POMC: variants seen among roughly 807,000 people sequenced by gnomAD.
POMC encodes pro-opiomelanocortin.
In POMC, 19 loss-of-function variants were observed where a neutral mutation model predicts 18.5. The ratio of observed to expected loss-of-function variants is 1.03; its 90% CI spans 0.72 to 1.51. The LOEUF is 1.51. POMC is among the 40% of genes most tolerant of loss of function. POMC has a pLI of 0.00. For synonymous variants in POMC, 179 were observed against 161.9 expected, an observed-to-expected ratio of 1.11 and a Z score of -0.80; for missense variants, 451 against 379.0, an observed-to-expected ratio of 1.19 and a Z score of -1.58.
intron 1 of POMC, among the ~76,000 whole-genome samples, chr2:25,166,796 G>A (rs1474341089): frequency 1.3e-5 from 2 of 152,222 alleles, no homozygotes; most frequent in African/African-American, 2.4e-5. Context: ...TTCCCTGAAA[G>A]ATGGTCTTGT....
At chr2:25,162,560 G>C (rs895115374) in intron 2 of POMC, among the ~76,000 whole-genome samples, 1 of 152,096 alleles carries the variant, frequency 6.6e-6, no homozygotes, top group Admixed American at 6.5e-5. Flanking sequence ...AATCTCTCCA[G>C]GTGATAGAAG....
At position 25,161,405 on chromosome 2, in the gene POMC, G is replaced by T; in HGVS notation, c.480C>A (p.Tyr160Ter). ...CCGACTCGTCCTCGGCGCCGTTAGG[G>T]TACACCTTCACTGGGCGCCGCTTCT... ...VGKKRRPVKV[Y>*]PNGAEDESAE... Residue 160 changes from tyrosine (Y) to a stop codon, truncating the protein, a stop_gained, in exon 3 of 3, where the codon TAC (tyrosine) becomes TAA (stop). Coordinates refer to ENST00000395826, the MANE Select transcript of POMC (RefSeq NM_000939.4). LOFTEE classifies it high-confidence loss of function. This position sits in a 1 kb window ranked among gnomAD's most constrained non-coding sequence, Gnocchi z 5.7. 1 of 1,610,104 alleles carries T rather than the reference G, an allele frequency of 6.2e-7. No individual in the cohort carries two copies. Among genetic ancestry groups the T allele is most frequent in the African/African-American group, 1.3e-5 (1 of 74,988 alleles).
At position 25,161,832 on chromosome 2, in the gene POMC, G is replaced by A. The variant is rs1671402173; in HGVS notation, c.133-80C>T. On this transcript the variant is annotated intron_variant, in intron 2 of 2. Transcript: ENST00000395826. This position sits in a 1 kb window ranked among gnomAD's most constrained non-coding sequence, Gnocchi z 5.7. ...CTGCCGCGCCCGTCACTGCGCCTAG[G>A]CCCTGGCCGCCCTCGCCACGTGCCG... 1 of 1,476,036 alleles carries A rather than the reference G, an allele frequency of 6.8e-7. No homozygotes were observed. Among genetic ancestry groups the A allele is most frequent in the Non-Finnish European group, 8.9e-7 (1 of 1,119,142 alleles). The allele number at this position is 1,476,036 out of a possible 1,614,324, so 91.4% of individuals were successfully genotyped here.
In POMC at chr2:25,161,588, G is replaced by GCCGCTGCTA. The variant is rs1671377124; in HGVS notation, c.296_297insTAGCAGCGG (p.Ser97_Gly99dup). The GCCGCTGCTA allele has an allele frequency of 6.6e-7, 1 of 1,523,638 alleles. No homozygotes were observed. The highest frequency in any genetic ancestry group is 1.9e-5 in the African/African-American group (1 of 53,658). The allele number at this position is 1,523,638 out of a possible 1,614,324, so 94.4% of individuals were successfully genotyped here. A position where few individuals can be genotyped will look rare whatever the true frequency, so the allele number is the denominator to read the frequency against. On this transcript the variant is annotated inframe_insertion, in exon 3 of 3. Coordinates refer to ENST00000395826, the MANE Select transcript of POMC (RefSeq NM_000939.4). This position sits in a 1 kb window ranked among gnomAD's most constrained non-coding sequence, Gnocchi z 5.7. ...AGACGTCCTCGCGCTTCTGCCCTGC[G>GCCGCTGCTA]CCGCTGCTGCCGCTGCTGCTGCTGT...
At position 25,166,600 on chromosome 2, in the gene POMC, A is replaced by T. The variant is rs929881070; in HGVS notation, c.-20-1808T>A. Among the ~76,000 whole-genome samples the T allele has an allele frequency of 5.3e-5, 8 of 152,334 alleles. No homozygotes were observed. In the East Asian group the frequency reaches 1.5e-3, roughly 29 times the overall value. ...TTCTTGTCAAAGATAACTACTCTGGAGTGATTTCCATTTGCTAGAAGCAAT... is the reference window on the plus strand; with the variant it reads ...TTCTTGTCAAAGATAACTACTCTGGTGTGATTTCCATTTGCTAGAAGCAAT... On this transcript the variant is annotated intron_variant, in intron 1 of 2. Transcript: ENST00000395826.
rs1179622286 is a variant in POMC at position 25,161,811 on chromosome 2, C to T, written c.133-59G>A. ...GTGCCCCGCACCCCGGCCCGGCTGC[C>T]GCGCCCGTCACTGCGCCTAGGCCCT... is the stretch of plus-strand genomic sequence containing the variant. On this transcript the variant is annotated intron_variant, in intron 2 of 2. Transcript: ENST00000395826. This position sits in a 1 kb window ranked among gnomAD's most constrained non-coding sequence, Gnocchi z 5.7. 22 of 1,522,636 alleles carry T rather than the reference C, an allele frequency of 1.4e-5. No individual in the cohort carries two copies. The highest frequency in any genetic ancestry group is 2.8e-5 in the African/African-American group (2 of 71,484). 94.3% of individuals were successfully genotyped at this position (1,522,636 alleles called of 1,614,324 possible). A position where few individuals can be genotyped will look rare whatever the true frequency, so the allele number is the denominator to read the frequency against.
intron 2 of POMC, among the ~76,000 whole-genome samples, chr2:25,162,365 G>T (rs572330783): frequency 6.6e-6 from 1 of 152,134 alleles, no homozygotes; most frequent in Non-Finnish European, 1.5e-5. Flanking sequence ...CAGGAGAACC[G>T]CTTGAACCTG....
At position 25,161,540 on chromosome 2, in the gene POMC, C is replaced by A. The variant is rs764382466; in HGVS notation, c.345G>T (p.Pro115=). 6.3e-6 allele frequency: 10 copies of A among 1,578,780 alleles called. No homozygotes were observed. Among genetic ancestry groups the A allele is most frequent in the Non-Finnish European group, 8.6e-6 (10 of 1,162,832 alleles). The part of the protein sequence containing the change: ...EDVSAGEDCG[P]LPEGGPEPRS... Reference sequence around the variant, plus strand: ...GGGGCTCGGGGCCGCCCTCAGGCAGCGGGCCGCAGTCTTCGCCCGCTGAGA... The same window carrying A: ...GGGGCTCGGGGCCGCCCTCAGGCAGAGGGCCGCAGTCTTCGCCCGCTGAGA... The change falls in exon 3 of 3, where the codon CCG becomes CCT. Residue 115 remains proline, a synonymous_variant. Coordinates refer to ENST00000395826, the MANE Select transcript of POMC (RefSeq NM_000939.4). This position sits in a 1 kb window ranked among gnomAD's most constrained non-coding sequence, Gnocchi z 5.7.
intron 1 of POMC, among the ~76,000 whole-genome samples, chr2:25,167,784 A>G (rs1473746947): frequency 1.3e-5 from 2 of 152,142 alleles, no homozygotes; most frequent in Non-Finnish European, 2.9e-5. Flanking sequence ...TTCCAACATT[A>G]ATTTGCGATA....
chr2:25,162,460 A>T (rs1056959754), intron 2 of POMC, among the ~76,000 whole-genome samples: 18 of 152,260 alleles, frequency 1.2e-4, no homozygotes, highest in South Asian at 1.0e-3. Context: ...CCGTCTCAAA[A>T]AAATAAATAA....
chr2:25,163,996 C>CA (rs1558630109), intron 2 of POMC, among the ~76,000 whole-genome samples: 1 of 152,000 alleles, frequency 6.6e-6, no homozygotes, highest in East Asian at 1.9e-4. Flanking sequence ...CACACACACA[C>CA]CCCCCACAGG....
In POMC at chr2:25,161,244, T is replaced by C. The variant is rs80326661; in HGVS notation, c.641A>G (p.Glu214Gly). Residue 214 changes from glutamate (E) to glycine (G), a missense_variant, in exon 3 of 3, where the codon GAG (glutamate) becomes GGG (glycine). Glu to Gly is a moderately conservative substitution (Grantham distance 98). Transcript: ENST00000395826. This position sits in a 1 kb window ranked among gnomAD's most constrained non-coding sequence, Gnocchi z 5.7. Reference protein sequence around the residue: ...DLEHSLLVAAEKKDEGPYRME... With the variant: ...DLEHSLLVAAGKKDEGPYRME... ...CCTGTAGGGGCCCTCGTCCTTCTTCTCGGCCGCCACCAGCAGGCTGTGCTC... is the reference window on the plus strand; with the variant it reads ...CCTGTAGGGGCCCTCGTCCTTCTTCCCGGCCGCCACCAGCAGGCTGTGCTC... The C allele has an allele frequency of 6.8e-3, 10,947 of 1,611,820 alleles. 45 individuals are homozygous for C. The highest frequency in any genetic ancestry group is 8.2e-3 in the Non-Finnish European group (9,662 of 1,179,094).
intron 1 of POMC, among the ~76,000 whole-genome samples, chr2:25,167,045 T>C (rs1383155110): frequency 6.6e-6 from 1 of 152,222 alleles, no homozygotes; most frequent in Non-Finnish European, 1.5e-5. Flanking sequence ...AGAACTACAC[T>C]TATTAGAACT....
intron 1 of POMC, among the ~76,000 whole-genome samples, chr2:25,166,993 T>C (rs1038836423): frequency 3.9e-5 from 6 of 152,088 alleles, no homozygotes; most frequent in African/African-American, 1.2e-4. Context: ...TCTGGAAAAA[T>C]AGAAACTTGA....
At chr2:25,163,615 G>A (rs1671462255) in intron 2 of POMC, among the ~76,000 whole-genome samples, 1 of 152,170 alleles carries the variant, frequency 6.6e-6, no homozygotes, top group South Asian at 2.1e-4. Flanking sequence ...CTAACAGTAT[G>A]GGGGTTTGTT....
chr2:25,164,619 A>T (rs1671491006), intron 2 of POMC, 22 bp downstream of exon 2: 1 of 1,613,820 alleles, frequency 6.2e-7, no homozygotes, highest in Non-Finnish European at 8.5e-7. Context: ...CTAAGCCAAG[A>T]TGGCAGTCAT....
rs777610167 is a variant in POMC at position 25,168,484 on chromosome 2, C to A, written c.-21+14G>T. The A allele has an allele frequency of 4.6e-5, 7 of 152,214 alleles. No individual in the cohort carries two copies. Among genetic ancestry groups the A allele is most frequent in the African/African-American group, 1.7e-4 (7 of 41,454 alleles). The allele number at this position is 152,214 out of a possible 1,614,324, so 9.4% of individuals were successfully genotyped here. A position where few individuals can be genotyped will look rare whatever the true frequency, so the allele number is the denominator to read the frequency against. Reference sequence around the variant, plus strand: ...CCGGGGAAAGAGCACGGGTCCCCCACGCTGCGCCCTTACCTGTCTCGGGAG... The same window carrying A: ...CCGGGGAAAGAGCACGGGTCCCCCAAGCTGCGCCCTTACCTGTCTCGGGAG... On this transcript the variant is annotated intron_variant, in intron 1 of 2. Transcript: ENST00000395826. The surrounding 1 kb of genome is among the most constrained non-coding windows in gnomAD (Gnocchi z 5.2).
At chr2:25,162,626 G>A (rs559671144) in intron 2 of POMC, among the ~76,000 whole-genome samples, 21 of 151,996 alleles carry the variant, frequency 1.4e-4, no homozygotes, top group East Asian at 1.4e-3. Context: ...CTCAACCTGT[G>A]TGAACCTGGG....
rs1671620454 is a variant in POMC, at chr2:25,168,153, T to TGAAA, written c.-21+344_-21+345insTTTC. Among the ~76,000 whole-genome samples, 42 of 98,498 alleles carry TGAAA rather than the reference T, an allele frequency of 4.3e-4. 1 individual carries two copies. The highest frequency in any genetic ancestry group is 1.5e-3 in the African/African-American group (40 of 26,462). 64.6% of individuals were successfully genotyped at this position (98,498 alleles called of 152,430 possible). A position where few individuals can be genotyped will look rare whatever the true frequency, so the allele number is the denominator to read the frequency against. The stretch of plus-strand genomic sequence containing the variant: ...TGGGCAACAAGAGCGAAACTCCGTC[T>TGAAA]CAAAAAAAAAAAAAAAGACCGGGTT... On this transcript the variant is annotated intron_variant, in intron 1 of 2. Transcript: ENST00000395826. The surrounding 1 kb of genome is among the most constrained non-coding windows in gnomAD (Gnocchi z 5.2).
Sources: gnomAD v4.1 joint callset for allele counts (sites outside exome capture counted in the v4.1 genomes callset) on GRCh38, gnomAD v4.1.1 for gene constraint, Gnocchi (gnomAD v3.1) non-coding constraint, MANE v1.5 for transcripts, NCBI Gene and HGNC (gene_info 2026-07-23, HGNC 2026-07-21) for gene names.